VOPP1: variants seen among roughly 807,000 people sequenced by gnomAD.
VOPP1 encodes VOPP1 WW domain binding protein, also known as WW domain binding protein VOPP1.
A neutral mutation model predicts 23.5 loss-of-function variants in VOPP1; 8 were observed. That is an observed-to-expected ratio of 0.34 (90% CI 0.20 to 0.61). The LOEUF is 0.61. Among genes scored for constraint, VOPP1 ranks in the 20% least tolerant of loss-of-function variants. VOPP1 has a pLI of 0.78. For missense variants in VOPP1, 174 were observed against 238.1 expected (o/e 0.73, Z 1.77); for synonymous variants, 83 against 97.3 (o/e 0.85, Z 0.86).
chr7:55,444,520 G>GA (rs1233909235), intron 4 of VOPP1, among the ~76,000 whole-genome samples: 1 of 145,762 alleles, frequency 6.9e-6, no homozygotes, highest in East Asian at 2.2e-4. Context: ...ATTCAGTGTA[G>GA]AATTGACTGC....
At chr7:55,512,914 A>T (rs1795176491) in intron 2 of VOPP1, among the ~76,000 whole-genome samples, 1 of 152,242 alleles carries the variant, frequency 6.6e-6, no homozygotes, top group Non-Finnish European at 1.5e-5. Context: ...CGCCCCTAGC[A>T]GGCAGGTAAA....
chr7:55,556,899 T>A (rs980287896), intron 1 of VOPP1, among the ~76,000 whole-genome samples: 2 of 152,104 alleles, frequency 1.3e-5, no homozygotes, highest in Non-Finnish European at 2.9e-5. Context: ...ACACCCTCTG[T>A]TAAGAAAATG....
At chr7:55,558,476 C>G (rs1211572726) in intron 1 of VOPP1, among the ~76,000 whole-genome samples, 1 of 152,164 alleles carries the variant, frequency 6.6e-6, no homozygotes, top group Non-Finnish European at 1.5e-5. Context: ...TAATGTGTTT[C>G]TCACCTGCTA....
chr7:55,565,390 C>CA (rs963163435), intron 1 of VOPP1, among the ~76,000 whole-genome samples: 3 of 152,168 alleles, frequency 2.0e-5, no homozygotes, highest in African/African-American at 7.2e-5. Flanking sequence ...CTCTCCAAGT[C>CA]AAAATCTCAG....
intron 4 of VOPP1, among the ~76,000 whole-genome samples, chr7:55,456,391 G>C (rs180781867): frequency 4.6e-5 from 7 of 152,298 alleles, no homozygotes; most frequent in Admixed American, 3.9e-4. Flanking sequence ...ACAGTGTGGT[G>C]ATTCCGCAAG....
chr7:55,482,346 TA>T (rs150152337), intron 4 of VOPP1, among the ~76,000 whole-genome samples: 14 of 89,022 alleles, frequency 1.6e-4, no homozygotes, highest in Admixed American at 3.4e-4. Context: ...AGAAGGGAGG[TA>T]TTTTTTTTTT....
At chr7:55,572,182 G>A in intron 1 of VOPP1, 89 bp downstream of exon 1, 1 of 1,115,258 alleles carries the variant, frequency 9.0e-7, no homozygotes, top group Non-Finnish European at 1.2e-6. Context: ...CCCAGGCAAG[G>A]TCCTCTGGGG....
intron 4 of VOPP1, among the ~76,000 whole-genome samples, chr7:55,450,821 A>G (rs1173617655): frequency 1.3e-5 from 2 of 152,250 alleles, no homozygotes; most frequent in African/African-American, 4.8e-5. Flanking sequence ...CTTGTTATCA[A>G]TCTTCTGTTC....
At chr7:55,500,155 A>G (rs1794268954) in intron 2 of VOPP1, among the ~76,000 whole-genome samples, 1 of 152,208 alleles carries the variant, frequency 6.6e-6, no homozygotes, top group East Asian at 1.9e-4. Flanking sequence ...GGCCCGAAGA[A>G]TTGCACCCCT....
At chr7:55,562,370 TC>T (rs1798018204) in intron 1 of VOPP1, among the ~76,000 whole-genome samples, 2 of 152,224 alleles carry the variant, frequency 1.3e-5, no homozygotes, top group South Asian at 4.1e-4. Flanking sequence ...CCATTTCTAG[TC>T]TTACTGGGAT....
At chr7:55,453,149 T>G (rs1200095088) in intron 4 of VOPP1, among the ~76,000 whole-genome samples, 1 of 152,236 alleles carries the variant, frequency 6.6e-6, no homozygotes, top group Non-Finnish European at 1.5e-5. Flanking sequence ...CTGCACCCTG[T>G]ACTTCCAAGC....
intron 4 of VOPP1, among the ~76,000 whole-genome samples, chr7:55,447,277 T>C (rs1791125082): frequency 2.0e-5 from 3 of 152,140 alleles, no homozygotes; most frequent in Admixed American, 6.5e-5. Context: ...CTGATTCGGA[T>C]TGGGGAACTG....
downstream of VOPP1, among the ~76,000 whole-genome samples, chr7:55,468,750 G>C (rs1379666502): frequency 3.9e-5 from 6 of 152,192 alleles, no homozygotes; most frequent in Non-Finnish European, 8.8e-5. Flanking sequence ...TGTGGAGATA[G>C]GTCTTTGGCC....
chr7:55,486,224 C>T (rs1208718437), intron 4 of VOPP1, among the ~76,000 whole-genome samples: 2 of 152,250 alleles, frequency 1.3e-5, no homozygotes, highest in Non-Finnish European at 2.9e-5. Flanking sequence ...AATGTAACAA[C>T]AGGAATTGCC....
At chr7:55,477,022 CCG>C (rs1228906204) in intron 4 of VOPP1, among the ~76,000 whole-genome samples, 1 of 152,212 alleles carries the variant, frequency 6.6e-6, no homozygotes, top group African/African-American at 2.4e-5. Flanking sequence ...ACCATGCAAA[CCG>C]TGTCTCCTGG....
chr7:55,480,678 G>C (rs1191250599), intron 4 of VOPP1, among the ~76,000 whole-genome samples: 2 of 152,062 alleles, frequency 1.3e-5, no homozygotes, highest in Admixed American at 6.6e-5. Flanking sequence ...CAGTTCATTT[G>C]CTTTTTCATA....
At chr7:55,560,804 T>G (rs1050917748) in intron 1 of VOPP1, among the ~76,000 whole-genome samples, 1 of 152,166 alleles carries the variant, frequency 6.6e-6, no homozygotes, top group African/African-American at 2.4e-5. Context: ...CTCACTCCCA[T>G]GTCAACCTCT....
chr7:55,445,949 A>G (rs1277182767), intron 4 of VOPP1, among the ~76,000 whole-genome samples: 1 of 151,380 alleles, frequency 6.6e-6, no homozygotes, highest in African/African-American at 2.4e-5. Flanking sequence ...CCTCATAGAA[A>G]GTTCTATTGG....
intron 4 of VOPP1, among the ~76,000 whole-genome samples, chr7:55,480,711 T>C (rs1792639992): frequency 6.6e-6 from 1 of 152,236 alleles, no homozygotes; most frequent in Admixed American, 6.5e-5. Flanking sequence ...AATAAAGCTA[T>C]GAATCTATTA....
Sources: allele counts gnomAD v4.1 joint callset (sites outside exome capture counted in the v4.1 genomes callset), GRCh38; gene constraint gnomAD v4.1.1; transcripts MANE v1.5; gene names NCBI Gene and HGNC (gene_info 2026-07-23, HGNC 2026-07-21).